The following MAPK8IP3 variants were observed in gnomAD, a reference collection of about 807,000 sequenced individuals.
MAPK8IP3 encodes mitogen-activated protein kinase 8 interacting protein 3.
A neutral mutation model predicts 157.8 loss-of-function variants in MAPK8IP3; 49 were observed. The observed-to-expected ratio is 0.31, with a 90% CI of 0.25 to 0.39. MAPK8IP3 has a LOEUF of 0.39. Ranked by LOEUF, MAPK8IP3 falls within the 10% of genes least tolerant of loss-of-function variation. The pLI, the probability that MAPK8IP3 is intolerant of heterozygous loss-of-function variation, is 1.00. For synonymous variants in MAPK8IP3, 897 were observed against 777.7 expected (o/e 1.15, Z -2.55); for missense variants, 1,478 against 1,889.4 (o/e 0.78, Z 4.04).
chr16:1,762,461 G>A lies in MAPK8IP3; in HGVS notation c.1650G>A (p.Val550=), dbSNP rs1266522542. 2.5e-6 allele frequency: 4 copies of A among 1,610,922 alleles called. No homozygotes were observed. The highest frequency in any genetic ancestry group is 3.4e-6 in the Non-Finnish European group (4 of 1,178,864). ...GGCTGATGGAGCTGCAGGAGGCTGT[G>A]CGGTGGACTGAGATGATCAGGTGGG... ...KERLMELQEA[V]RWTEMIRASR... The change falls in exon 14 of 32, where the codon GTG becomes GTA. Residue 550 remains valine, a synonymous_variant. Transcript: ENST00000610761.
intron 5 of MAPK8IP3, chr16:1,744,089 T>C (rs2040833923): frequency 1.0e-6 from 1 of 987,602 alleles, no homozygotes; most frequent in Non-Finnish European, 1.2e-6. Flanking sequence ...AGCCGGTGAG[T>C]GCACCTCAGA....
At chr16:1,736,697 T>C (rs2039892159) in intron 4 of MAPK8IP3, among the ~76,000 whole-genome samples, 1 of 67,326 alleles carries the variant, frequency 1.5e-5, no homozygotes, top group Non-Finnish European at 2.8e-5. Context: ...TGACCGACCG[T>C]GTGAGCGTCC....
chr16:1,737,803 ACCGT>A lies in MAPK8IP3; in HGVS notation c.603-5524_603-5521del, dbSNP rs1398577739. On this transcript the variant is annotated intron_variant, in intron 4 of 31. Transcript: ENST00000610761. ...GACCATCCATGTGAGCATCCATGTG[ACCGT>A]CCGTGTGAGCGTCCGTGTGAGCGTG... is the stretch of plus-strand genomic sequence containing the variant. Among the ~76,000 whole-genome samples, 13 of 78,350 alleles carry A rather than the reference ACCGT, an allele frequency of 1.7e-4. 2 individuals are homozygous for A. Among genetic ancestry groups the A allele is most frequent in the African/African-American group, 3.4e-4 (6 of 17,640 alleles). The allele number at this position is 78,350 out of a possible 152,430, so 51.4% of individuals were successfully genotyped here. A position where few individuals can be genotyped will look rare whatever the true frequency, so the allele number is the denominator to read the frequency against.
At chr16:1,762,225 T>G in intron 13 of MAPK8IP3, 126 bp from the exon 14 acceptor site, 1 of 1,312,374 alleles carries the variant, frequency 7.6e-7, no homozygotes. Context: ...TCCACACCGC[T>G]TCTTGCCTGA....
chr16:1,758,828 C>G, intron 9 of MAPK8IP3, 150 bp from the exon 10 acceptor site: 1 of 757,002 alleles, frequency 1.3e-6, no homozygotes, highest in East Asian at 2.7e-5. Flanking sequence ...TCCTAACTCC[C>G]TCCTGCACCC....
At chr16:1,739,657 TCTGTGTGA>T (rs1306231821) in intron 4 of MAPK8IP3, among the ~76,000 whole-genome samples, 2 of 121,820 alleles carry the variant, frequency 1.6e-5, no homozygotes, top group Admixed American at 8.5e-5. Context: ...CGTGTGAGCA[TCTGTGTGA>T]CCGTTCGTGT....
At chr16:1,754,127 C>T (rs969507298) in intron 8 of MAPK8IP3, among the ~76,000 whole-genome samples, 50 of 151,128 alleles carry the variant, frequency 3.3e-4, no homozygotes, top group African/African-American at 1.0e-3. Context: ...GAGCCGAGAT[C>T]GCACCACCGC....
Position 1,724,830 on chromosome 16 carries a change from C to T in MAPK8IP3, c.439+153C>T, listed in dbSNP as rs2038764706. Among the ~76,000 whole-genome samples, 1 of 152,254 alleles carries T rather than the reference C, an allele frequency of 6.6e-6. No homozygotes were observed. On this transcript the variant is annotated intron_variant, in intron 2 of 31. Transcript: ENST00000610761. This position sits in a 1 kb window ranked among gnomAD's most constrained non-coding sequence, Gnocchi z 4.1. ...TGTATTCCAGCTCTTTGTACTGCTG[C>T]CTGTTTCTGTAATGGGCCCCAGATT...
rs779600342 is a variant in MAPK8IP3 at position 1,724,075 on chromosome 16, A to G, written c.319-482A>G. 2.0e-5 allele frequency among the ~76,000 whole-genome samples: 3 copies of G among 152,348 alleles called. No individual in the cohort carries two copies. In the South Asian group the frequency reaches 6.2e-4, roughly 32 times the overall value. ...CTTAGGCGTGGAGTTGAGGGGAGTCAGATGACTCCATTGCAAACAGGACTG... is the reference window on the plus strand; with the variant it reads ...CTTAGGCGTGGAGTTGAGGGGAGTCGGATGACTCCATTGCAAACAGGACTG... On this transcript the variant is annotated intron_variant, in intron 1 of 31. Coordinates refer to ENST00000610761, the MANE Select transcript of MAPK8IP3 (RefSeq NM_001318852.2). This position sits in a 1 kb window ranked among gnomAD's most constrained non-coding sequence, Gnocchi z 4.1.
intron 4 of MAPK8IP3, among the ~76,000 whole-genome samples, chr16:1,738,314 G>T (rs111208270): frequency 1.2e-5 from 1 of 83,854 alleles, no homozygotes; most frequent in African/African-American, 4.9e-5. Context: ...GTGACCGTCC[G>T]TGTGAGCATC....
In MAPK8IP3 at chr16:1,713,125, T is replaced by C. The variant is rs80310305; in HGVS notation, c.318+6468T>C. Among the ~76,000 whole-genome samples, 141 of 152,376 alleles carry C rather than the reference T, an allele frequency of 9.3e-4. 1 individual carries two copies. The East Asian group carries it at 0.024, about 26-fold the overall frequency. ...GACTGTCTCTTTGGAGCAGCCTTTC[T>C]GACAGAACGTTCTGGGATGATGGAA... On this transcript the variant is annotated intron_variant, in intron 1 of 31. Coordinates refer to ENST00000610761, the MANE Select transcript of MAPK8IP3 (RefSeq NM_001318852.2).
At chr16:1,767,059 C>T in intron 25 of MAPK8IP3, 88 bp downstream of exon 25, 1 of 1,580,262 alleles carries the variant, frequency 6.3e-7, no homozygotes, top group Non-Finnish European at 8.6e-7. Context: ...CCAGGCCTCT[C>T]CTTAGTCTGG....
At chr16:1,718,226 T>C (rs35673500) in intron 1 of MAPK8IP3, among the ~76,000 whole-genome samples, 20,163 of 147,888 alleles carry the variant, frequency 0.14, 2,152 homozygotes, top group African/African-American at 0.3. Context: ...CTCTTGTCAC[T>C]CGGGCTGGAG....
Position 1,747,129 on chromosome 16 carries a change from C to T in MAPK8IP3, c.848C>T (p.Ser283Leu), listed in dbSNP as rs777199250. Reference protein sequence around the residue: ...KSNTPTSSVPSAAVTPLNESL... With the variant: ...KSNTPTSSVPLAAVTPLNESL... Reference sequence around the variant, plus strand: ...AACACGCCCACATCCTCCGTGCCCTCGGCCGCCGTCACACCCCTCAACGAG... The same window carrying T: ...AACACGCCCACATCCTCCGTGCCCTTGGCCGCCGTCACACCCCTCAACGAG... The change falls in exon 6 of 32, where the codon TCG becomes TTG. Residue 283 changes from serine (S) to leucine (L), a missense_variant. Around this residue, in one of 11 missense-constraint regions of MAPK8IP3, gnomAD observed 315 missense variants for 394.4 expected, o/e 0.80. Coordinates refer to ENST00000610761, the MANE Select transcript of MAPK8IP3 (RefSeq NM_001318852.2). 34 of 1,613,824 alleles carry T rather than the reference C, an allele frequency of 2.1e-5. No individual in the cohort carries two copies. The highest frequency in any genetic ancestry group is 2.5e-5 in the Non-Finnish European group (29 of 1,179,964).
chr16:1,766,634 A>C lies in MAPK8IP3; in HGVS notation c.2925A>C (p.Gly975=). Reference sequence around the variant, plus strand: ...GTGCTGCACCCACCATGTGGCTGGGAGCCCAGAACGGCTGGTAGGAAGGGC... The same window carrying C: ...GTGCTGCACCCACCATGTGGCTGGGCGCCCAGAACGGCTGGTAGGAAGGGC... The part of the protein sequence containing the change: ...GSSAAPTMWL[G]AQNGWLYVHS... Residue 975 remains glycine, a synonymous_variant, in exon 23 of 32, where the codon GGA becomes GGC. Transcript: ENST00000610761. 6.2e-7 allele frequency: 1 copy of C among 1,612,388 alleles called. No homozygotes were observed. Among genetic ancestry groups the C allele is most frequent in the South Asian group, 1.1e-5 (1 of 91,072 alleles).
Position 1,768,114 on chromosome 16 carries a change from C to T in MAPK8IP3, c.3562+7C>T. The T allele has an allele frequency of 6.2e-7, 1 of 1,612,158 alleles. No individual in the cohort carries two copies. ...CAGCTCCTGGGGCTCCGAGGTAAGC[C>T]CAGCCACCTCGTGTCCCCTCACGGG... On this transcript the variant is annotated splice_region_variant and intron_variant, in intron 29 of 31. Transcript: ENST00000610761.
intron 20 of MAPK8IP3, 69 bp from the exon 21 acceptor site, chr16:1,765,891 T>G: frequency 7.0e-7 from 1 of 1,420,706 alleles, no homozygotes; most frequent in East Asian, 2.4e-5. Context: ...TGCCCCTGTG[T>G]AAGTGCTGGG....
At position 1,764,127 on chromosome 16, in the gene MAPK8IP3, G is replaced by A; in HGVS notation, c.2038G>A (p.Gly680Arg). 6.2e-7 allele frequency: 1 copy of A among 1,609,638 alleles called. No homozygotes were observed. The highest frequency in any genetic ancestry group is 8.5e-7 in the Non-Finnish European group (1 of 1,178,592). The change falls in exon 18 of 32, where the codon GGG (glycine) becomes AGG (arginine). Residue 680 changes from glycine (G) to arginine (R), a missense_variant. Physicochemically the swap from Gly to Arg is moderately radical, Grantham distance 125. This residue lies in a region of MAPK8IP3 where 669 missense variants were observed against 759.8 expected (regional missense o/e 0.88). Coordinates refer to ENST00000610761, the MANE Select transcript of MAPK8IP3 (RefSeq NM_001318852.2). ...CTGCTCCCTGCAGCTGAGTCCCAAC[G>A]GGGGCCAGGAGGACACGCGGATGAA... ...PAKYKQLSPN[G>R]GQEDTRMKNV...
chr16:1,747,136 C>T lies in MAPK8IP3; in HGVS notation c.855C>T (p.Ala285=), dbSNP rs775788314. 33 of 1,613,882 alleles carry T rather than the reference C, an allele frequency of 2.0e-5. No homozygotes were observed. The highest frequency in any genetic ancestry group is 5.0e-5 in the Admixed American group (3 of 60,010). ...NTPTSSVPSA[A]VTPLNESLQP... ...CCACATCCTCCGTGCCCTCGGCCGC[C>T]GTCACACCCCTCAACGAGAGCCTGC... is the stretch of plus-strand genomic sequence containing the variant. Residue 285 remains alanine, a synonymous_variant, in exon 6 of 32, where the codon GCC becomes GCT. Coordinates refer to ENST00000610761, the MANE Select transcript of MAPK8IP3 (RefSeq NM_001318852.2).
Sources: allele counts gnomAD v4.1 joint callset (sites outside exome capture counted in the v4.1 genomes callset), GRCh38; gene constraint gnomAD v4.1.1; regional missense constraint gnomAD v4.1.1; non-coding constraint Gnocchi (gnomAD v3.1); transcripts MANE v1.5; gene names NCBI Gene and HGNC (gene_info 2026-07-23, HGNC 2026-07-21).